The following FLRT2 variants were observed in gnomAD, a reference collection of about 807,000 sequenced individuals.
FLRT2 encodes fibronectin leucine rich transmembrane protein 2.
A neutral mutation model predicts 40.0 loss-of-function variants in FLRT2; 15 were observed. The ratio of observed to expected loss-of-function variants is 0.38; its 90% confidence interval spans 0.25 to 0.58. FLRT2 has a LOEUF of 0.58. Among genes scored for constraint, FLRT2 ranks in the 20% least tolerant of loss-of-function variants. The probability of loss-of-function intolerance (pLI) is 0.71; values close to 1 mark genes in which losing one functional copy is unlikely to be tolerated. For synonymous variants in FLRT2, 380 were observed against 336.8 expected (o/e 1.13, Z -1.41); for missense variants, 726 against 840.0 (o/e 0.86, Z 1.68).
chr14:85,532,872 T>C (rs1235797518), intron 1 of FLRT2, among the ~76,000 whole-genome samples: 1 of 152,204 alleles, frequency 6.6e-6, no homozygotes, highest in Admixed American at 6.5e-5. Context: ...ATCCTCCCTC[T>C]TGGCAGTACA....
chr14:85,630,483 A>G lies in FLRT2; in HGVS notation c.*6986A>G, dbSNP rs1389123286. 2 of 152,086 alleles carry G rather than the reference A, an allele frequency of 1.3e-5. No homozygotes were observed. Among genetic ancestry groups the G allele is most frequent in the East Asian group, 1.9e-4 (1 of 5,176 alleles). The allele number at this position is 152,086 out of a possible 1,614,324, so 9.4% of individuals were successfully genotyped here. ...GGATAGGATGGGCCTTTGTTGGTTT[A>G]GTTTTGATTTCATTCAGCAAATATT... is the stretch of plus-strand genomic sequence containing the variant. On this transcript the variant is annotated 3_prime_UTR_variant, in exon 2 of 2. Coordinates refer to ENST00000330753, the MANE Select transcript of FLRT2 (RefSeq NM_013231.6).
At position 85,558,491 on chromosome 14, in the gene FLRT2, C is replaced by T. The variant is rs538346770; in HGVS notation, c.-377+27957C>T. 7.2e-5 allele frequency among the ~76,000 whole-genome samples: 11 copies of T among 152,208 alleles called. No individual in the cohort carries two copies. The South Asian group carries it at 2.3e-3, about 32-fold the overall frequency. ...TGTCGATATGCATTATTAAATGAAA[C>T]AGTGGTAAAATATAGACTGTCAGAA... On this transcript the variant is annotated intron_variant, in intron 1 of 1. Coordinates refer to ENST00000330753, the MANE Select transcript of FLRT2 (RefSeq NM_013231.6).
intron 1 of FLRT2, among the ~76,000 whole-genome samples, chr14:85,599,892 G>A (rs913605773): frequency 4.6e-5 from 7 of 152,306 alleles, no homozygotes; most frequent in Admixed American, 2.0e-4. Flanking sequence ...TAAAAAGGCT[G>A]CATACAGCCA....
rs1208016894 is a variant in FLRT2, at chr14:85,635,802, A to G, written c.*12305A>G. 1 of 152,166 alleles carries G rather than the reference A, an allele frequency of 6.6e-6. No homozygotes were observed. The highest frequency in any genetic ancestry group is 1.5e-5 in the Non-Finnish European group (1 of 67,986). The allele number at this position is 152,166 out of a possible 1,614,324, so 9.4% of individuals were successfully genotyped here. ...CAATACTTTTATAAAACCACTACTTAGCAGCTAACAATGAAATGTTCATTT... is the reference window on the plus strand; with the variant it reads ...CAATACTTTTATAAAACCACTACTTGGCAGCTAACAATGAAATGTTCATTT... On this transcript the variant is annotated 3_prime_UTR_variant, in exon 2 of 2. Transcript: ENST00000330753.
At chr14:85,541,376 G>A (rs141900437) in intron 1 of FLRT2, among the ~76,000 whole-genome samples, 18 of 152,252 alleles carry the variant, frequency 1.2e-4, no homozygotes, top group African/African-American at 4.3e-4. Context: ...AGGCTAGTGA[G>A]CAGAGAGGTA....
Position 85,543,906 on chromosome 14 carries a change from G to A in FLRT2, c.-377+13372G>A, listed in dbSNP as rs186816480. On this transcript the variant is annotated intron_variant, in intron 1 of 1. Coordinates refer to ENST00000330753, the MANE Select transcript of FLRT2 (RefSeq NM_013231.6). ...CTCTGTTTATATTGTATTATAAAAT[G>A]TGTCTGCTTACATGTCTATCTCGCT... is the stretch of plus-strand genomic sequence containing the variant. Among the ~76,000 whole-genome samples the A allele has an allele frequency of 5.3e-5, 8 of 152,126 alleles. No individual in the cohort carries two copies. In the East Asian group the frequency reaches 1.6e-3, roughly 29 times the overall value.
At chr14:85,571,328 A>C (rs1327454268) in intron 1 of FLRT2, among the ~76,000 whole-genome samples, 1 of 152,180 alleles carries the variant, frequency 6.6e-6, no homozygotes, top group East Asian at 1.9e-4. Flanking sequence ...CTATAAAAAA[A>C]AGTTGTGGGG....
At position 85,620,528 on chromosome 14, in the gene FLRT2, C is replaced by T. The variant is rs1325641929; in HGVS notation, c.-376-611C>T. Among the ~76,000 whole-genome samples, 4 of 152,126 alleles carry T rather than the reference C, an allele frequency of 2.6e-5. No individual in the cohort carries two copies. In the South Asian group the frequency reaches 6.2e-4, roughly 24 times the overall value. ...TAAAATACATTTTAAAAGGAAATGGCAACTTATTCAGCTACAGCTTTTTTA... is the reference window on the plus strand; with the variant it reads ...TAAAATACATTTTAAAAGGAAATGGTAACTTATTCAGCTACAGCTTTTTTA... On this transcript the variant is annotated intron_variant, in intron 1 of 1. Coordinates refer to ENST00000330753, the MANE Select transcript of FLRT2 (RefSeq NM_013231.6).
intron 1 of FLRT2, among the ~76,000 whole-genome samples, chr14:85,555,548 C>T (rs59104280): frequency 0.03 from 4,462 of 148,220 alleles, 235 homozygotes; most frequent in African/African-American, 0.1. Flanking sequence ...TGGGGGAAAC[C>T]ACCCCATGAT....
At position 85,653,184 on chromosome 14, in the gene FLRT2, A is replaced by G. The variant is rs1894475251; in HGVS notation, c.*29687A>G. The G allele has an allele frequency of 1.3e-5, 2 of 152,170 alleles. No homozygotes were observed. The highest frequency in any genetic ancestry group is 1.3e-4 in the Admixed American group (2 of 15,262). The allele number at this position is 152,170 out of a possible 1,614,324, so 9.4% of individuals were successfully genotyped here. ...GTGATCTGCTTGAGGACTTGTACAT[A>G]GATAGGCTCAAGATATTTTGAGTCA... On this transcript the variant is annotated 3_prime_UTR_variant, in exon 2 of 2. Coordinates refer to ENST00000330753, the MANE Select transcript of FLRT2 (RefSeq NM_013231.6).
In FLRT2 at chr14:85,636,268, G is replaced by A. The variant is rs998819983; in HGVS notation, c.*12771G>A. 1 of 151,104 alleles carries A rather than the reference G, an allele frequency of 6.6e-6. No individual in the cohort carries two copies. 9.4% of individuals were successfully genotyped at this position (151,104 alleles called of 1,614,324 possible). A position where few individuals can be genotyped will look rare whatever the true frequency, so the allele number is the denominator to read the frequency against. On this transcript the variant is annotated 3_prime_UTR_variant, in exon 2 of 2. Coordinates refer to ENST00000330753, the MANE Select transcript of FLRT2 (RefSeq NM_013231.6). The stretch of plus-strand genomic sequence containing the variant: ...AGTATTTTTAAAAGAATTTATCAAA[G>A]TAACTATAATAAAAGTATTTAATGG...
At chr14:85,597,708 C>T (rs1892203397) in intron 1 of FLRT2, among the ~76,000 whole-genome samples, 1 of 152,200 alleles carries the variant, frequency 6.6e-6, no homozygotes, top group African/African-American at 2.4e-5. Flanking sequence ...AGGCATATGC[C>T]ACCTTGCCCC....
chr14:85,586,434 G>A (rs1419115475), intron 1 of FLRT2, among the ~76,000 whole-genome samples: 1 of 152,104 alleles, frequency 6.6e-6, no homozygotes, highest in Non-Finnish European at 1.5e-5. Flanking sequence ...AAATGAATAA[G>A]TTCCAGAGAT....
intron 1 of FLRT2, among the ~76,000 whole-genome samples, chr14:85,537,974 A>G (rs762082869): frequency 9.2e-5 from 14 of 151,936 alleles, no homozygotes; most frequent in Admixed American, 3.9e-4. Flanking sequence ...GAAATTCATC[A>G]TGTTGTGTTC....
intron 1 of FLRT2, among the ~76,000 whole-genome samples, chr14:85,553,911 A>G (rs1221979948): frequency 6.6e-6 from 1 of 152,168 alleles, no homozygotes; most frequent in Non-Finnish European, 1.5e-5. Flanking sequence ...CAGTTGTCCA[A>G]ACTACTTTAA....
chr14:85,542,910 C>G (rs1027160389), intron 1 of FLRT2, among the ~76,000 whole-genome samples: 1 of 152,208 alleles, frequency 6.6e-6, no homozygotes, highest in Non-Finnish European at 1.5e-5. Context: ...TCAGACAAGA[C>G]TTTGTCCCTG....
chr14:85,541,877 G>C (rs1159579391), intron 1 of FLRT2, among the ~76,000 whole-genome samples: 1 of 152,122 alleles, frequency 6.6e-6, no homozygotes, highest in African/African-American at 2.4e-5. Flanking sequence ...AGCTTCCAAG[G>C]AGTTCCATGT....
intron 1 of FLRT2, among the ~76,000 whole-genome samples, chr14:85,538,305 C>T (rs1036129830): frequency 6.6e-6 from 1 of 152,146 alleles, no homozygotes; most frequent in African/African-American, 2.4e-5. Flanking sequence ...GTTGATGATT[C>T]TCAAACACTG....
Position 85,645,222 on chromosome 14 carries a change from G to C in FLRT2, c.*21725G>C, listed in dbSNP as rs917410916. On this transcript the variant is annotated 3_prime_UTR_variant, in exon 2 of 2. Transcript: ENST00000330753. The stretch of plus-strand genomic sequence containing the variant: ...TACATATGTATATATGTACACATGT[G>C]TATATATGTATATACATATATGTAT... 9 of 148,776 alleles carry C rather than the reference G, an allele frequency of 6.0e-5. No homozygotes were observed. The highest frequency in any genetic ancestry group is 1.2e-4 in the Non-Finnish European group (8 of 67,786). The allele number at this position is 148,776 out of a possible 1,614,324, so 9.2% of individuals were successfully genotyped here. A position where few individuals can be genotyped will look rare whatever the true frequency, so the allele number is the denominator to read the frequency against.
Sources: allele counts gnomAD v4.1 joint callset (sites outside exome capture counted in the v4.1 genomes callset), GRCh38; gene constraint gnomAD v4.1.1; transcripts MANE v1.5; gene names NCBI Gene and HGNC (gene_info 2026-07-23, HGNC 2026-07-21).